Variants in LRMDA observed in about 807,000 individuals in gnomAD.
LRMDA encodes leucine rich melanocyte differentiation associated.
Under a neutral mutation model 29.8 loss-of-function variants are expected in LRMDA, and 18 were observed. That is an observed-to-expected ratio of 0.60 (90% CI 0.42 to 0.90). LRMDA has a LOEUF of 0.90. Among genes scored for constraint, LRMDA ranks in the 40% least tolerant of loss-of-function variants. LRMDA has a pLI of 0.00. For missense variants in LRMDA, 273 were observed against 273.9 expected, an observed-to-expected ratio of 1.00 and a Z score of 0.02; for synonymous variants, 125 against 109.4, an observed-to-expected ratio of 1.14 and a Z score of -0.89.
At position 76,058,836 on chromosome 10, in the gene LRMDA, C is replaced by T. The variant is rs7924288; in HGVS notation, c.516+53C>T. 582,646 of 1,375,376 alleles carry T rather than the reference C, an allele frequency of 0.42. 131,195 individuals carry two copies. The highest frequency in any genetic ancestry group is 0.46 in the Non-Finnish European group (444,407 of 964,246). 85.2% of individuals were successfully genotyped at this position (1,375,376 alleles called of 1,614,324 possible). On this transcript the variant is annotated intron_variant, in intron 5 of 6. Coordinates refer to ENST00000611255, the MANE Select transcript of LRMDA (RefSeq NM_001305581.2). ...AAGGGATTTACATCTCATGGCAGTG[C>T]TTACACCCCAGGGCATGCAGAATGT...
intron 5 of LRMDA, among the ~76,000 whole-genome samples, chr10:76,241,243 C>T (rs1219450584): frequency 6.6e-6 from 1 of 152,018 alleles, no homozygotes; most frequent in African/African-American, 2.4e-5. Context: ...ACCACCTGTT[C>T]CCCCAAATCC....
intron 6 of LRMDA, among the ~76,000 whole-genome samples, chr10:76,366,589 T>C (rs1460287675): frequency 1.3e-5 from 2 of 152,236 alleles, no homozygotes; most frequent in African/African-American, 2.4e-5. Context: ...TATTGATTTA[T>C]GTACATTAAT....
intron 6 of LRMDA, among the ~76,000 whole-genome samples, chr10:76,538,571 C>T (rs1176315966): frequency 6.8e-6 from 1 of 146,900 alleles, no homozygotes; most frequent in African/African-American, 2.5e-5. Flanking sequence ...CACACACACA[C>T]ACATATACAG....
intron 6 of LRMDA, among the ~76,000 whole-genome samples, chr10:76,478,059 A>C (rs1184537988): frequency 1.3e-5 from 2 of 152,154 alleles, no homozygotes; most frequent in Non-Finnish European, 2.9e-5. Context: ...AATGGGATCT[A>C]ATTAAACTCA....
At chr10:76,127,966 A>C (rs563815134) in intron 5 of LRMDA, among the ~76,000 whole-genome samples, 29 of 152,332 alleles carry the variant, frequency 1.9e-4, no homozygotes, top group East Asian at 1.3e-3. Flanking sequence ...ACTTAAAAAA[A>C]AACAACAACA....
chr10:76,322,676 T>C (rs967460813), intron 5 of LRMDA, among the ~76,000 whole-genome samples: 1 of 152,198 alleles, frequency 6.6e-6, no homozygotes, highest in African/African-American at 2.4e-5. Flanking sequence ...ACAGCCCAAA[T>C]TGAGATTAAA....
chr10:75,613,782 G>C (rs1841065094), intron 2 of LRMDA, among the ~76,000 whole-genome samples: 1 of 152,200 alleles, frequency 6.6e-6, no homozygotes, highest in Non-Finnish European at 1.5e-5. Context: ...GGTTTCTACA[G>C]AGTACGTGAG....
intron 5 of LRMDA, among the ~76,000 whole-genome samples, chr10:76,250,656 A>C (rs1427913122): frequency 6.6e-6 from 1 of 152,198 alleles, no homozygotes; most frequent in Non-Finnish European, 1.5e-5. Flanking sequence ...ATAAGTATTA[A>C]AACTGCTTTG....
chr10:75,652,625 T>A (rs1170586013), intron 2 of LRMDA, among the ~76,000 whole-genome samples: 2 of 152,236 alleles, frequency 1.3e-5, no homozygotes, highest in Admixed American at 6.5e-5. Flanking sequence ...TCATAAAATG[T>A]ACAGTCCACT....
chr10:76,288,795 G>A (rs1564712380), intron 5 of LRMDA, among the ~76,000 whole-genome samples: 1 of 152,170 alleles, frequency 6.6e-6, no homozygotes, highest in Non-Finnish European at 1.5e-5. Context: ...TAGGAGAAAG[G>A]AAGAGATTCT....
intron 6 of LRMDA, among the ~76,000 whole-genome samples, chr10:76,456,467 T>G (rs912567855): frequency 1.3e-5 from 2 of 152,186 alleles, no homozygotes; most frequent in African/African-American, 4.8e-5. Flanking sequence ...ATGACTCAGA[T>G]GTCCATTGAA....
intron 2 of LRMDA, among the ~76,000 whole-genome samples, chr10:75,445,419 T>C (rs1480164736): frequency 1.3e-5 from 2 of 152,238 alleles, no homozygotes; most frequent in Non-Finnish European, 2.9e-5. Context: ...ATAGGGCAGC[T>C]TTGGTACAGA....
intron 2 of LRMDA, among the ~76,000 whole-genome samples, chr10:75,884,259 G>GTGTGTA (rs1479880191): frequency 1.4e-5 from 2 of 148,012 alleles, no homozygotes; most frequent in East Asian, 4.0e-4. Flanking sequence ...GTGTGTGTGT[G>GTGTGTA]TGTGTGTGTG....
intron 2 of LRMDA, among the ~76,000 whole-genome samples, chr10:75,977,123 CCT>C (rs1491092420): frequency 7.3e-6 from 1 of 136,704 alleles, no homozygotes; most frequent in Non-Finnish European, 1.6e-5. Flanking sequence ...TCTTTTCTTC[CCT>C]TTTTTTTTTT....
chr10:76,170,628 G>A (rs2132191939), intron 5 of LRMDA, among the ~76,000 whole-genome samples: 1 of 152,186 alleles, frequency 6.6e-6, no homozygotes, highest in South Asian at 2.1e-4. Flanking sequence ...CCCTTCAAAA[G>A]CAATGGTAAA....
At chr10:76,428,004 G>A (rs1328284408) in intron 6 of LRMDA, among the ~76,000 whole-genome samples, 2 of 152,094 alleles carry the variant, frequency 1.3e-5, no homozygotes, top group Non-Finnish European at 2.9e-5. Flanking sequence ...GATTCGGTTT[G>A]CCAGTATTTT....
At chr10:75,737,885 A>T (rs1246835743) in intron 2 of LRMDA, among the ~76,000 whole-genome samples, 1 of 152,166 alleles carries the variant, frequency 6.6e-6, no homozygotes, top group East Asian at 1.9e-4. Flanking sequence ...TACAGGTTTC[A>T]CTGGTTACTG....
chr10:75,586,953 T>C (rs1483086803), intron 2 of LRMDA, among the ~76,000 whole-genome samples: 1 of 152,212 alleles, frequency 6.6e-6, no homozygotes, highest in Non-Finnish European at 1.5e-5. Context: ...ATTGATTTCT[T>C]TGCTGTGCAG....
intron 6 of LRMDA, among the ~76,000 whole-genome samples, chr10:76,546,950 T>A (rs1843427286): frequency 5.3e-5 from 8 of 152,288 alleles, no homozygotes; most frequent in Admixed American, 4.6e-4. Context: ...CAGCTGGAAT[T>A]ATTGTCATAT....
Sources: gnomAD v4.1 joint callset for allele counts (sites outside exome capture counted in the v4.1 genomes callset) on GRCh38, gnomAD v4.1.1 for gene constraint, MANE v1.5 for transcripts, NCBI Gene and HGNC (gene_info 2026-07-23, HGNC 2026-07-21) for gene names.